DOCK7: variants seen among roughly 807,000 people sequenced by gnomAD.
The protein encoded by DOCK7 is dedicator of cytokinesis 7.
Under a neutral mutation model 271.0 loss-of-function variants are expected in DOCK7, and 138 were observed. The ratio of observed to expected loss-of-function variants is 0.51; its 90% CI spans 0.44 to 0.59. The LOEUF (loss-of-function observed/expected upper bound fraction) is 0.59. Among genes scored for constraint, DOCK7 ranks in the 20% least tolerant of loss-of-function variants. DOCK7 has a pLI of 0.00. For synonymous variants in DOCK7, 823 were observed against 876.1 expected, an observed-to-expected ratio of 0.94 and a Z score of 1.07; for missense variants, 2,066 against 2,592.4, an observed-to-expected ratio of 0.80 and a Z score of 4.41.
rs999718507 is a variant in DOCK7 at position 62,618,839 on chromosome 1, G to A, written c.1549C>T (p.Pro517Ser). ...GTTAGGCAATAATGGGGATTTTCAG[G>A]TGCGGGAGAAATGTCTATCTTGAGC... ...AQLKIDISPA[P>S]ENPHYCLTPE... Residue 517 changes from proline (P) to serine (S), a missense_variant, in exon 14 of 50, where the codon CCT becomes TCT. Pro to Ser is a moderately conservative substitution (Grantham distance 74, BLOSUM62 -1). Around this residue, in one of 2 missense-constraint regions of DOCK7, gnomAD observed 1,414 missense variants for 1,670.4 expected, o/e 0.85. Transcript: ENST00000635253. 1.9e-6 allele frequency: 3 copies of A among 1,613,760 alleles called. No individual in the cohort carries two copies. The highest frequency in any genetic ancestry group is 2.5e-6 in the Non-Finnish European group (3 of 1,179,782).
At chr1:62,644,240 C>G (rs1403085785) in intron 7 of DOCK7, among the ~76,000 whole-genome samples, 1 of 152,154 alleles carries the variant, frequency 6.6e-6, no homozygotes, top group Non-Finnish European at 1.5e-5. Flanking sequence ...AAACTTTTGC[C>G]TTGGAATTTT....
intron 7 of DOCK7, among the ~76,000 whole-genome samples, chr1:62,647,236 G>A (rs1656782481): frequency 1.3e-5 from 2 of 152,156 alleles, no homozygotes; most frequent in South Asian, 4.1e-4. Context: ...CCTCAATGAT[G>A]TTAGCAGAAA....
At chr1:62,631,581 C>T (rs1309260279) in intron 10 of DOCK7, among the ~76,000 whole-genome samples, 176 bp from the exon 11 acceptor site, 1 of 152,152 alleles carries the variant, frequency 6.6e-6, no homozygotes, top group Non-Finnish European at 1.5e-5. Context: ...AGTGAACAAA[C>T]TCAACACATT....
chr1:62,485,376 T>C lies in DOCK7; in HGVS notation c.5508+2022A>G, dbSNP rs1221496319. 3 of 985,090 alleles carry C rather than the reference T, an allele frequency of 3.0e-6. No homozygotes were observed. The South Asian group carries it at 1.4e-4, about 46-fold the overall frequency. The allele number at this position is 985,090 out of a possible 1,614,324, so 61.0% of individuals were successfully genotyped here. On this transcript the variant is annotated intron_variant, in intron 43 of 49. Coordinates refer to ENST00000635253, the MANE Select transcript of DOCK7 (RefSeq NM_001367561.1). ...CACACACACACCCTTCTAAAAAGCTTTGCCAACTCAAATAATTTGCACTAA... is the reference window on the plus strand; with the variant it reads ...CACACACACACCCTTCTAAAAAGCTCTGCCAACTCAAATAATTTGCACTAA...
chr1:62,633,713 C>A, intron 9 of DOCK7, 135 bp from the exon 10 acceptor site: 1 of 618,810 alleles, frequency 1.6e-6, no homozygotes, highest in Non-Finnish European at 2.8e-6. Context: ...TGCTGTAGAA[C>A]AAACATTAGA....
Position 62,585,866 on chromosome 1 carries a change from C to T in DOCK7, c.1800+641G>A, listed in dbSNP as rs181413734. On this transcript the variant is annotated intron_variant, in intron 15 of 49. Coordinates refer to ENST00000635253, the MANE Select transcript of DOCK7 (RefSeq NM_001367561.1). ...TCAACATTGTCTGCAAAATGTAATC[C>T]CTGGTGAGACTTAAAAATACTGAAA... Among the ~76,000 whole-genome samples the T allele has an allele frequency of 2.1e-3, 323 of 152,136 alleles. 2 individuals carry two copies. The highest frequency in any genetic ancestry group is 7.4e-3 in the African/African-American group (307 of 41,508).
chr1:62,492,626 C>A (rs531937382), intron 41 of DOCK7, 78 bp downstream of exon 41: 1 of 1,565,712 alleles, frequency 6.4e-7, no homozygotes, highest in East Asian at 2.3e-5. Flanking sequence ...GGGTCATAAG[C>A]CAGAGAGAAT....
At chr1:62,560,213 C>A (rs1646278201) in intron 19 of DOCK7, among the ~76,000 whole-genome samples, 1 of 152,132 alleles carries the variant, frequency 6.6e-6, no homozygotes, top group African/African-American at 2.4e-5. Context: ...AATCACTGAA[C>A]CTGAGATGGC....
intron 11 of DOCK7, chr1:62,629,399 T>C (rs995385386): frequency 6.6e-6 from 1 of 151,998 alleles, no homozygotes; most frequent in Non-Finnish European, 1.5e-5. Flanking sequence ...CATTTGGCAA[T>C]AAAAATAAAT....
chr1:62,499,231 T>C (rs1646709947), intron 37 of DOCK7, among the ~76,000 whole-genome samples: 2 of 152,228 alleles, frequency 1.3e-5, no homozygotes, highest in South Asian at 2.1e-4. Context: ...TTTTAGAGAC[T>C]TTATTTCATA....
chr1:62,686,735 GCC>G (rs1661801574), intron 1 of DOCK7, among the ~76,000 whole-genome samples: 1 of 152,104 alleles, frequency 6.6e-6, no homozygotes, highest in Admixed American at 6.5e-5. Context: ...CGGAAATTTG[GCC>G]CAACAACTTG....
chr1:62,636,099 A>G (rs1356835300), intron 8 of DOCK7, among the ~76,000 whole-genome samples: 1 of 152,166 alleles, frequency 6.6e-6, no homozygotes, highest in Non-Finnish European at 1.5e-5. Flanking sequence ...AAAAATACAA[A>G]AAGTTAGCTG....
chr1:62,495,764 T>A (rs1449707742), intron 38 of DOCK7, 83 bp from the exon 39 acceptor site: 3 of 1,075,830 alleles, frequency 2.8e-6, no homozygotes, highest in Non-Finnish European at 4.0e-6. Flanking sequence ...ATATTTCAGA[T>A]AAATATCTAA....
intron 43 of DOCK7, chr1:62,479,715 ACTCC>A (rs1646065082): frequency 2.7e-6 from 1 of 373,292 alleles, no homozygotes; most frequent in Non-Finnish European, 5.6e-6. Context: ...ACAGGGTCTC[ACTCC>A]ATTACCCAGA....
intron 22 of DOCK7, among the ~76,000 whole-genome samples, chr1:62,546,064 A>C (rs1645698075): frequency 6.6e-6 from 1 of 152,184 alleles, no homozygotes; most frequent in Non-Finnish European, 1.5e-5. Flanking sequence ...ATATCAGGAC[A>C]TGAGTACAGA....
chr1:62,523,673 C>A (rs1303984851), intron 31 of DOCK7, among the ~76,000 whole-genome samples: 2 of 152,122 alleles, frequency 1.3e-5, no homozygotes, highest in African/African-American at 2.4e-5. Flanking sequence ...TCGAGACCAT[C>A]CTGACTAACA....
chr1:62,610,164 G>A (rs1179342149), intron 14 of DOCK7, among the ~76,000 whole-genome samples: 1 of 152,070 alleles, frequency 6.6e-6, no homozygotes, highest in Admixed American at 6.6e-5. Flanking sequence ...AGTTTTTATA[G>A]TTAAAATAAA....
intron 37 of DOCK7, among the ~76,000 whole-genome samples, chr1:62,497,202 G>A (rs575806344): frequency 2.6e-5 from 4 of 151,298 alleles, no homozygotes; most frequent in African/African-American, 7.3e-5. Context: ...ATTCTTTTTC[G>A]ACTCTTTTTC....
chr1:62,533,453 C>A (rs1645240633), intron 29 of DOCK7, among the ~76,000 whole-genome samples: 1 of 150,514 alleles, frequency 6.6e-6, no homozygotes, highest in African/African-American at 2.4e-5. Flanking sequence ...TTTTTAATGA[C>A]ATCACAGTCA....
Sources: gnomAD v4.1 joint callset for allele counts (sites outside exome capture counted in the v4.1 genomes callset) on GRCh38, gnomAD v4.1.1 for gene constraint, gnomAD v4.1.1 regional missense constraint, MANE v1.5 for transcripts, NCBI Gene and HGNC (gene_info 2026-07-23, HGNC 2026-07-21) for gene names.